The following CORIN variants were observed in gnomAD, a reference collection of about 807,000 sequenced individuals.
CORIN encodes corin, serine peptidase.
Under a neutral mutation model 125.3 loss-of-function variants are expected in CORIN, and 117 were observed. The observed-to-expected ratio is 0.93, with a 90% confidence interval of 0.80 to 1.09. The LOEUF is 1.09. Among genes scored for constraint, CORIN ranks in the 50% least tolerant of loss-of-function variants. CORIN has a pLI of 0.00. For synonymous variants in CORIN, 450 were observed against 466.4 expected, an observed-to-expected ratio of 0.96 and a Z score of 0.45; for missense variants, 1,253 against 1,306.7, an observed-to-expected ratio of 0.96 and a Z score of 0.63.
chr4:47,674,586 A>T, intron 9 of CORIN, 86 bp from the exon 10 acceptor site: 1 of 831,894 alleles, frequency 1.2e-6, no homozygotes, highest in Non-Finnish European at 2.1e-6. Flanking sequence ...TGTCTGATGG[A>T]GCTGAGGAAT....
Position 47,834,371 on chromosome 4 carries a change from A to G in CORIN, c.63+3516T>C, listed in dbSNP as rs1254025320. On this transcript the variant is annotated intron_variant, in intron 1 of 21. Transcript: ENST00000273857. ...CCAGACACAGAAGGACAAATACTAC[A>G]TGATCCCACTTAATTGAGGAATCTT... Among the ~76,000 whole-genome samples, 4 of 152,170 alleles carry G rather than the reference A, an allele frequency of 2.6e-5. No homozygotes were observed. In the East Asian group the frequency reaches 5.8e-4, roughly 22 times the overall value.
At chr4:47,804,465 T>A (rs1693399726) in intron 2 of CORIN, among the ~76,000 whole-genome samples, 1 of 152,080 alleles carries the variant, frequency 6.6e-6, no homozygotes, top group Admixed American at 6.6e-5. Context: ...TAAATGTCCA[T>A]CAACAGATGA....
chr4:47,832,128 G>A (rs1434882506), intron 1 of CORIN, among the ~76,000 whole-genome samples: 1 of 152,138 alleles, frequency 6.6e-6, no homozygotes. Flanking sequence ...TCCTTCTGTT[G>A]TATTAGTTTC....
intron 3 of CORIN, among the ~76,000 whole-genome samples, chr4:47,774,915 G>A (rs1251581891): frequency 2.6e-5 from 4 of 152,206 alleles, no homozygotes; most frequent in Non-Finnish European, 5.9e-5. Context: ...CAAACTCATA[G>A]AAGCAGAAAA....
At chr4:47,746,683 C>T (rs1044183588) in intron 4 of CORIN, among the ~76,000 whole-genome samples, 4 of 152,070 alleles carry the variant, frequency 2.6e-5, no homozygotes, top group South Asian at 2.1e-4. Context: ...TACAGGCATG[C>T]GCCACCTCGC....
chr4:47,801,748 G>A (rs1215698893), intron 2 of CORIN, among the ~76,000 whole-genome samples: 1 of 152,214 alleles, frequency 6.6e-6, no homozygotes, highest in Non-Finnish European at 1.5e-5. Context: ...AGTGGTGAGA[G>A]CTTGAGTTCC....
chr4:47,630,266 T>TC (rs1399947459), intron 16 of CORIN, among the ~76,000 whole-genome samples: 1 of 152,228 alleles, frequency 6.6e-6, no homozygotes, highest in Non-Finnish European at 1.5e-5. Context: ...ATAATAGTAA[T>TC]ATACATGCAC....
intron 1 of CORIN, among the ~76,000 whole-genome samples, chr4:47,833,164 A>G (rs768845901): frequency 5.9e-5 from 9 of 152,102 alleles, no homozygotes; most frequent in African/African-American, 9.7e-5. Context: ...ATTTCAAAAT[A>G]TATTACAAAG....
rs541510367 is a variant in CORIN at position 47,692,865 on chromosome 4, C to T, written c.913+105G>A. The T allele has an allele frequency of 7.2e-4, 596 of 824,196 alleles. 3 individuals carry two copies. The highest frequency in any genetic ancestry group is 3.2e-3 in the Admixed American group (169 of 52,062). 51.1% of individuals were successfully genotyped at this position (824,196 alleles called of 1,614,324 possible). ...CTGGGGGAAGATAAACACGTTTGCT[C>T]GCTTTAGAAAGGCAAACAAAAAGCA... is the stretch of plus-strand genomic sequence containing the variant. On this transcript the variant is annotated intron_variant, in intron 6 of 21. Transcript: ENST00000273857.
At chr4:47,679,173 G>A (rs1725151330) in intron 8 of CORIN, among the ~76,000 whole-genome samples, 1 of 152,104 alleles carries the variant, frequency 6.6e-6, no homozygotes, top group African/African-American at 2.4e-5. Flanking sequence ...CAGGTCAACT[G>A]CACTCTCTCT....
chr4:47,785,853 A>G (rs1421086602), intron 3 of CORIN, among the ~76,000 whole-genome samples: 1 of 148,064 alleles, frequency 6.8e-6, no homozygotes, highest in Non-Finnish European at 1.5e-5. Flanking sequence ...CAGAGATTGC[A>G]GTGAGCTGAG....
intron 10 of CORIN, among the ~76,000 whole-genome samples, chr4:47,672,853 C>T (rs1290767245): frequency 1.3e-5 from 2 of 152,054 alleles, no homozygotes. Context: ...ACAGTCAATC[C>T]TGTCAGTCTG....
intron 12 of CORIN, among the ~76,000 whole-genome samples, chr4:47,654,909 C>T (rs1434896582): frequency 1.3e-5 from 2 of 151,854 alleles, no homozygotes; most frequent in African/African-American, 4.8e-5. Context: ...AAAGAGACTC[C>T]TTTCTTCTGC....
chr4:47,636,647 C>T (rs1226583807), intron 16 of CORIN, among the ~76,000 whole-genome samples: 1 of 152,154 alleles, frequency 6.6e-6, no homozygotes, highest in Non-Finnish European at 1.5e-5. Context: ...ATGGGAGTTT[C>T]CCTGCACAAG....
intron 5 of CORIN, among the ~76,000 whole-genome samples, chr4:47,740,246 A>G (rs1728324848): frequency 6.6e-6 from 1 of 151,952 alleles, no homozygotes; most frequent in South Asian, 2.1e-4. Flanking sequence ...GTGTTTACAC[A>G]TATTTTCTAT....
chr4:47,780,266 G>T (rs1048936199), intron 3 of CORIN, among the ~76,000 whole-genome samples: 2 of 151,976 alleles, frequency 1.3e-5, no homozygotes, highest in African/African-American at 2.4e-5. Context: ...GATTGTAAGA[G>T]GATGGAGAAA....
At chr4:47,752,632 AG>A (rs1448983610) in intron 4 of CORIN, among the ~76,000 whole-genome samples, 11 of 152,292 alleles carry the variant, frequency 7.2e-5, no homozygotes, top group African/African-American at 2.4e-4. Context: ...CTACAGACTG[AG>A]GGTCTTGTTT....
chr4:47,633,156 A>G (rs1184945325), intron 16 of CORIN, among the ~76,000 whole-genome samples: 2 of 152,158 alleles, frequency 1.3e-5, no homozygotes, highest in African/African-American at 4.8e-5. Flanking sequence ...GCAAGGATCT[A>G]TAGGTACAAA....
chr4:47,599,116 C>T lies in CORIN; in HGVS notation c.2946+1098G>A, dbSNP rs546865537. On this transcript the variant is annotated intron_variant, in intron 21 of 21. Coordinates refer to ENST00000273857, the MANE Select transcript of CORIN (RefSeq NM_006587.4). ...GTGCCCCACACCCACATCATGCTGC[C>T]TCCTACAACACTTTATTTTGGGCCT... Among the ~76,000 whole-genome samples the T allele has an allele frequency of 8.5e-5, 13 of 152,292 alleles. No homozygotes were observed. In the South Asian group the frequency reaches 1.9e-3, roughly 22 times the overall value.
Sources: allele counts gnomAD v4.1 joint callset (sites outside exome capture counted in the v4.1 genomes callset), GRCh38; gene constraint gnomAD v4.1.1; transcripts MANE v1.5; gene names NCBI Gene and HGNC (gene_info 2026-07-23, HGNC 2026-07-21).